Variants in BOD1 observed in about 807,000 individuals in gnomAD.
BOD1 encodes biorientation of chromosomes in cell division protein 1.
A neutral mutation model predicts 15.7 loss-of-function variants in BOD1; 11 were observed. The ratio of observed to expected loss-of-function variants is 0.70; its 90% CI spans 0.44 to 1.16. The LOEUF (loss-of-function observed/expected upper bound fraction) is 1.16, where lower values mean the gene tolerates loss of function less well. Ranked by LOEUF, BOD1 falls within the 50% of genes most tolerant of loss-of-function variation. The pLI is 0.00. For missense variants in BOD1, 182 were observed against 244.5 expected (o/e 0.74, Z 1.70); for synonymous variants, 105 against 103.5 (o/e 1.01, Z -0.09).
chr5:173,616,297 C>G lies in BOD1; in HGVS notation c.140G>C (p.Gly47Ala). ...GPINPASLPP[G>A]DPQLIALIVE... ...GATGAGAGCGATGAGCTGCGGGTCG[C>G]CGGGAGGCAGCGAGGCCGGGTTGAT... Residue 47 changes from glycine (G) to alanine (A), a missense_variant, in exon 1 of 4, where the codon GGC becomes GCC. Around this residue, in one of 3 missense-constraint regions of BOD1, gnomAD observed 70 missense variants for 130.3 expected, o/e 0.54. Coordinates refer to ENST00000311086, the MANE Select transcript of BOD1 (RefSeq NM_138369.3). 1.3e-6 allele frequency: 2 copies of G among 1,545,326 alleles called. No homozygotes were observed. Among genetic ancestry groups the G allele is most frequent in the Non-Finnish European group, 1.7e-6 (2 of 1,148,518 alleles).
chr5:173,612,758 C>T (rs961893514), intron 2 of BOD1, among the ~76,000 whole-genome samples: 1 of 152,194 alleles, frequency 6.6e-6, no homozygotes, highest in Non-Finnish European at 1.5e-5. Flanking sequence ...TTCACATTCA[C>T]CTGTGAGAAT....
intron 1 of BOD1, 94 bp from the exon 2 acceptor site, chr5:173,613,349 A>T: frequency 1.4e-6 from 2 of 1,440,034 alleles, no homozygotes; most frequent in Non-Finnish European, 1.9e-6. Context: ...CAGAAACGTT[A>T]TTAAGTCTAA....
intron 2 of BOD1, 113 bp from the exon 3 acceptor site, chr5:173,609,547 T>C: frequency 9.2e-7 from 1 of 1,085,756 alleles, no homozygotes; most frequent in South Asian, 1.5e-5. Flanking sequence ...GCTACAGCCC[T>C]TCTAGGGAGT....
intron 2 of BOD1, among the ~76,000 whole-genome samples, chr5:173,612,224 T>C (rs940348123): frequency 1.3e-5 from 2 of 152,240 alleles, no homozygotes. Flanking sequence ...TCGCTGCATA[T>C]TCACAGGAAG....
At chr5:173,614,030 T>C (rs1163913793) in intron 1 of BOD1, among the ~76,000 whole-genome samples, 2 of 152,182 alleles carry the variant, frequency 1.3e-5, no homozygotes, top group African/African-American at 4.8e-5. Context: ...AGCTGTAAAA[T>C]GTAATCAAGA....
chr5:173,612,614 A>C (rs1002954287), intron 2 of BOD1, among the ~76,000 whole-genome samples: 2 of 152,240 alleles, frequency 1.3e-5, no homozygotes, highest in African/African-American at 2.4e-5. Flanking sequence ...TAAGCTATCA[A>C]TAGCACCTTT....
chr5:173,612,801 C>G (rs1755388988), intron 2 of BOD1, among the ~76,000 whole-genome samples: 1 of 152,198 alleles, frequency 6.6e-6, no homozygotes, highest in Non-Finnish European at 1.5e-5. Flanking sequence ...AAGATCCAAA[C>G]CCTGATATCT....
chr5:173,608,234 T>A lies in BOD1; in HGVS notation c.*60A>T. On this transcript the variant is annotated 3_prime_UTR_variant, in exon 4 of 4. Coordinates refer to ENST00000311086, the MANE Select transcript of BOD1 (RefSeq NM_138369.3). ...TATCTTCAGTCTGAAGTTGCACTCTTATGTAACCGAATCCATTTCTTCACC... is the reference window on the plus strand; with the variant it reads ...TATCTTCAGTCTGAAGTTGCACTCTAATGTAACCGAATCCATTTCTTCACC... The A allele has an allele frequency of 1.2e-6, 2 of 1,605,858 alleles. No individual in the cohort carries two copies. The highest frequency in any genetic ancestry group is 8.5e-7 in the Non-Finnish European group (1 of 1,172,512).
chr5:173,616,473 G>A lies in BOD1; in HGVS notation c.-37C>T, dbSNP rs1351068064. 1.9e-6 allele frequency: 3 copies of A among 1,557,262 alleles called. No homozygotes were observed. Among genetic ancestry groups the A allele is most frequent in the East Asian group, 4.9e-5 (2 of 40,542 alleles). ...GGGCCCACAAGGGAGAACGACTATA[G>A]CTTCTTCTCCAGGACAGAAGGCCTA... is the stretch of plus-strand genomic sequence containing the variant. On this transcript the variant is annotated 5_prime_UTR_variant, in exon 1 of 4. Coordinates refer to ENST00000311086, the MANE Select transcript of BOD1 (RefSeq NM_138369.3).
chr5:173,610,233 A>G (rs1372839800), intron 2 of BOD1, among the ~76,000 whole-genome samples: 1 of 152,218 alleles, frequency 6.6e-6, no homozygotes, highest in Admixed American at 6.5e-5. Context: ...AAATATTCCA[A>G]TACCATCACA....
intron 1 of BOD1, among the ~76,000 whole-genome samples, chr5:173,615,429 GAAA>G (rs1755468131): frequency 6.6e-6 from 1 of 152,220 alleles, no homozygotes; most frequent in African/African-American, 2.4e-5. Context: ...TCTGGTAGGA[GAAA>G]TCACTACCCT....
At chr5:173,614,897 G>A (rs987932701) in intron 1 of BOD1, 2 of 152,238 alleles carry the variant, frequency 1.3e-5, no homozygotes, top group South Asian at 2.1e-4. Flanking sequence ...GGGCCATTAT[G>A]AAGTAAAATA....
chr5:173,616,569 TGGCGGCAGGGGC>T lies in BOD1; in HGVS notation c.-145_-134del, dbSNP rs1275530173. The T allele has an allele frequency of 7.3e-7, 1 of 1,376,536 alleles. No individual in the cohort carries two copies. The highest frequency in any genetic ancestry group is 1.5e-5 in the African/African-American group (1 of 64,892). 85.3% of individuals were successfully genotyped at this position (1,376,536 alleles called of 1,614,324 possible). On this transcript the variant is annotated 5_prime_UTR_variant, in exon 1 of 4. Coordinates refer to ENST00000311086, the MANE Select transcript of BOD1 (RefSeq NM_138369.3). ...AAGGCGGCAGCGGCGGAGGTGGCGA[TGGCGGCAGGGGC>T]GGTGGTGGGGGCGGCGGCGGCGAAG...
chr5:173,613,336 T>C, intron 1 of BOD1, 81 bp from the exon 2 acceptor site: 1 of 1,509,128 alleles, frequency 6.6e-7, no homozygotes, highest in Non-Finnish European at 9.2e-7. Context: ...ACACTGCTTT[T>C]CACAGAAACG....
chr5:173,611,870 A>G (rs1755363696), intron 2 of BOD1, among the ~76,000 whole-genome samples: 1 of 152,244 alleles, frequency 6.6e-6, no homozygotes, highest in Non-Finnish European at 1.5e-5. Context: ...AACTTTCCAA[A>G]TATTTCAGAA....
Position 173,616,629 on chromosome 5 carries a change from T to C in BOD1, c.-193A>G. On this transcript the variant is annotated 5_prime_UTR_variant, in exon 1 of 4. Transcript: ENST00000311086. ...AAGGCCCCCTCTGATACAGCAGAGG[T>C]TGTGGTGGACGCGGCAGAAACGGCC... 1 of 1,318,820 alleles carries C rather than the reference T, an allele frequency of 7.6e-7. No individual in the cohort carries two copies. The highest frequency in any genetic ancestry group is 9.6e-7 in the Non-Finnish European group (1 of 1,039,232). 81.7% of individuals were successfully genotyped at this position (1,318,820 alleles called of 1,614,324 possible). A position where few individuals can be genotyped will look rare whatever the true frequency, so the allele number is the denominator to read the frequency against.
intron 1 of BOD1, 46 bp from the exon 2 acceptor site, chr5:173,613,301 A>G (rs181496788): frequency 3.2e-5 from 52 of 1,609,000 alleles, no homozygotes; most frequent in East Asian, 2.5e-4. Context: ...TATATGCACC[A>G]AAGTTTTGAA....
chr5:173,615,250 T>A (rs1755463672), intron 1 of BOD1, among the ~76,000 whole-genome samples: 1 of 152,256 alleles, frequency 6.6e-6, no homozygotes, highest in East Asian at 1.9e-4. Flanking sequence ...TAACCTAGAC[T>A]ATAAGTTTTG....
rs1020706665 is a variant in BOD1, at chr5:173,610,583, G to A, written c.363-1149C>T. On this transcript the variant is annotated intron_variant, in intron 2 of 3. Transcript: ENST00000311086. ...GTATCGGCCCTTAGTGATGAGCATC[G>A]TTAAATACAGCAAAGTTAGCATCCG... Among the ~76,000 whole-genome samples the A allele has an allele frequency of 9.9e-5, 15 of 152,134 alleles. No individual in the cohort carries two copies. The East Asian group carries it at 2.7e-3, about 27-fold the overall frequency.
Sources: gnomAD v4.1 joint callset for allele counts (sites outside exome capture counted in the v4.1 genomes callset) on GRCh38, gnomAD v4.1.1 for gene constraint, gnomAD v4.1.1 regional missense constraint, MANE v1.5 for transcripts, NCBI Gene and HGNC (gene_info 2026-07-23, HGNC 2026-07-21) for gene names.